Variants in SLC5A5 observed in about 807,000 individuals in gnomAD.
SLC5A5 encodes solute carrier family 5 member 5, also known as sodium/iodide cotransporter.
A neutral mutation model predicts 68.6 loss-of-function variants in SLC5A5; 56 were observed. The observed-to-expected ratio is 0.82, with a 90% confidence interval of 0.66 to 1.02. The LOEUF (loss-of-function observed/expected upper bound fraction) is 1.02, where lower values mean the gene tolerates loss of function less well. Among genes scored for constraint, SLC5A5 ranks in the 50% least tolerant of loss-of-function variants. The probability of loss-of-function intolerance (pLI) is 0.00; values close to 1 mark genes in which losing one functional copy is unlikely to be tolerated. For missense variants in SLC5A5, 807 were observed against 859.8 expected, an observed-to-expected ratio of 0.94 and a Z score of 0.77; for synonymous variants, 398 against 373.0, an observed-to-expected ratio of 1.07 and a Z score of -0.77.
At chr19:17,877,890 G>T (rs1341477717) in intron 6 of SLC5A5, 27 bp downstream of exon 6, 1 of 1,613,800 alleles carries the variant, frequency 6.2e-7, no homozygotes, top group East Asian at 2.2e-5. Context: ...GCAAGGTCGG[G>T]GTTTCTGGGA....
intron 5 of SLC5A5, among the ~76,000 whole-genome samples, 156 bp from the exon 6 acceptor site, chr19:17,877,567 C>G (rs572736210): frequency 6.6e-6 from 1 of 152,280 alleles, no homozygotes; most frequent in South Asian, 2.1e-4. Flanking sequence ...CTTGGCCTCC[C>G]AAAGTGCTGG....
At chr19:17,884,079 GC>G in intron 12 of SLC5A5, 33 bp downstream of exon 12, 1 of 1,502,934 alleles carries the variant, frequency 6.7e-7, no homozygotes, top group Non-Finnish European at 9.0e-7. Flanking sequence ...GGGTACCCGA[GC>G]CCTGGATGGT....
In SLC5A5 at chr19:17,893,914, GA is replaced by G. The variant is rs1298461439; in HGVS notation, c.*39del. 6.5e-6 allele frequency: 10 copies of G among 1,545,886 alleles called. No individual in the cohort carries two copies. ...GCCGCGGGACTGACACCCTGGGATG[GA>G]ACCTCAGGATGGGCCAAACCCAGAC... On this transcript the variant is annotated 3_prime_UTR_variant, in exon 15 of 15. Coordinates refer to ENST00000222248, the MANE Select transcript of SLC5A5 (RefSeq NM_000453.3).
Position 17,875,963 on chromosome 19 carries a change from G to A in SLC5A5, c.555G>A (p.Lys185=). 6.2e-7 allele frequency: 1 copy of A among 1,614,158 alleles called. No homozygotes were observed. The highest frequency in any genetic ancestry group is 8.5e-7 in the Non-Finnish European group (1 of 1,180,028). ...CTFYTAVGGM[K]AVVWTDVFQV... ...GTCCCATGCTGCAGGGCGGCATGAA[G>A]GCTGTGGTCTGGACTGATGTGTTCC... Residue 185 remains lysine (K), a synonymous_variant, in exon 5 of 15, where the codon AAG becomes AAA. Transcript: ENST00000222248.
intron 4 of SLC5A5, 85 bp from the exon 5 acceptor site, chr19:17,875,867 A>G: frequency 1.6e-6 from 2 of 1,259,434 alleles, no homozygotes; most frequent in Non-Finnish European, 2.3e-6. Context: ...AGACTGAGGC[A>G]TAGAAGGGCA....
chr19:17,891,650 C>G (rs2030175705), intron 14 of SLC5A5, among the ~76,000 whole-genome samples: 1 of 152,214 alleles, frequency 6.6e-6, no homozygotes, highest in Non-Finnish European at 1.5e-5. Flanking sequence ...TGTAAAGTCT[C>G]TTCTTAAAAT....
At position 17,872,395 on chromosome 19, in the gene SLC5A5, G is replaced by A. The variant is rs1266991317; in HGVS notation, c.76G>A (p.Val26Met). The A allele has an allele frequency of 6.2e-7, 1 of 1,604,710 alleles. No homozygotes were observed. The highest frequency in any genetic ancestry group is 1.1e-5 in the South Asian group (1 of 89,968). ...CGGGGTCTTTGCCCTCATGCTCCTG[G>A]TGTCCACTGGCATCGGGCTGTGGGT... ...DYGVFALMLL[V>M]STGIGLWVGL... The change falls in exon 1 of 15, where the codon GTG becomes ATG. Residue 26 changes from valine to methionine, a missense_variant. By Grantham distance (21) the Val-to-Met change is conservative (BLOSUM62 1). Transcript: ENST00000222248.
rs1433973220 is a variant in SLC5A5, at chr19:17,872,341, G to T, written c.22G>T (p.Glu8Ter). Residue 8 changes from glutamate to a stop codon, truncating the protein, a stop_gained, in exon 1 of 15, where the codon GAA (glutamate) becomes TAA (stop). Transcript: ENST00000222248. LOFTEE classifies it high-confidence loss of function. Reference sequence around the variant, plus strand: ...CCTCATGGAGGCCGTGGAGACCGGGGAACGGCCCACCTTCGGAGCCTGGGA... The same window carrying T: ...CCTCATGGAGGCCGTGGAGACCGGGTAACGGCCCACCTTCGGAGCCTGGGA... MEAVETG[E>*]RPTFGAWDYG... 1.3e-5 allele frequency: 21 copies of T among 1,583,312 alleles called. No homozygotes were observed. The highest frequency in any genetic ancestry group is 1.8e-5 in the Non-Finnish European group (21 of 1,165,738).
chr19:17,874,780 G>A, intron 4 of SLC5A5, 49 bp downstream of exon 4: 1 of 1,569,362 alleles, frequency 6.4e-7, no homozygotes, highest in Non-Finnish European at 8.8e-7. Context: ...GGCCCACTGT[G>A]TCTCTTGTGG....
At position 17,874,151 on chromosome 19, in the gene SLC5A5, G is replaced by T; in HGVS notation, c.371G>T (p.Arg124Leu). The T allele has an allele frequency of 1.2e-6, 2 of 1,612,316 alleles. No homozygotes were observed. Among genetic ancestry groups the T allele is most frequent in the Non-Finnish European group, 1.7e-6 (2 of 1,178,814 alleles). The part of the protein sequence containing the change: ...LTSTYEYLEM[R>L]FSRAVRLCGT... ...CCCTCCTTGCAGTACCTGGAGATGC[G>T]CTTCAGCCGCGCAGTGCGGCTCTGC... Residue 124 changes from arginine (R) to leucine (L), a missense_variant, in exon 2 of 15, where the codon CGC becomes CTC. By Grantham distance (102) the Arg-to-Leu change is moderately radical. Coordinates refer to ENST00000222248, the MANE Select transcript of SLC5A5 (RefSeq NM_000453.3).
Position 17,876,426 on chromosome 19 carries a change from C to CAAAAAA in SLC5A5, c.698+332_698+337dup, listed in dbSNP as rs60457185. Among the ~76,000 whole-genome samples the CAAAAAA allele has an allele frequency of 2.6e-3, 226 of 87,388 alleles. 1 individual carries two copies. The highest frequency in any genetic ancestry group is 9.3e-3 in the African/African-American group (220 of 23,778). The allele number at this position is 87,388 out of a possible 152,430, so 57.3% of individuals were successfully genotyped here. ...TGGATGACAGAGCTAGACCCTGTCTCAAAAAAAAAAAAAAAAAGAGGCTGG... is the reference window on the plus strand; with the variant it reads ...TGGATGACAGAGCTAGACCCTGTCTCAAAAAAAAAAAAAAAAAAAAAAAGAGGCTGG... On this transcript the variant is annotated intron_variant, in intron 5 of 14. Transcript: ENST00000222248.
In SLC5A5 at chr19:17,872,328, C is replaced by T. The variant is rs1207172434; in HGVS notation, c.9C>T (p.Ala3=). 1.3e-6 allele frequency: 2 copies of T among 1,579,858 alleles called. No individual in the cohort carries two copies. Among genetic ancestry groups the T allele is most frequent in the Admixed American group, 3.6e-5 (2 of 54,808 alleles). Residue 3 remains alanine (A), a synonymous_variant, in exon 1 of 15, where the codon GCC becomes GCT. Coordinates refer to ENST00000222248, the MANE Select transcript of SLC5A5 (RefSeq NM_000453.3). ME[A]VETGERPTFG... is the part of the protein sequence containing the mutation. ...CCTCCGCACCCGCCCTCATGGAGGC[C>T]GTGGAGACCGGGGAACGGCCCACCT...
rs966429964 is a variant in SLC5A5, at chr19:17,893,878, G to A, written c.*1G>A. The A allele has an allele frequency of 1.3e-5, 21 of 1,560,282 alleles. No homozygotes were observed. The highest frequency in any genetic ancestry group is 1.7e-5 in the Non-Finnish European group (20 of 1,150,664). ...AGACCAGCAGGAGACAAACCTCTGA[G>A]GACAGGGCCAGCCGCGGGACTGACA... On this transcript the variant is annotated 3_prime_UTR_variant, in exon 15 of 15. Coordinates refer to ENST00000222248, the MANE Select transcript of SLC5A5 (RefSeq NM_000453.3).
At chr19:17,882,368 T>A in intron 10 of SLC5A5, 149 bp downstream of exon 10, 1 of 704,506 alleles carries the variant, frequency 1.4e-6, no homozygotes, top group Non-Finnish European at 2.5e-6. Flanking sequence ...GGGGTCTCAC[T>A]GTGTTGTCCC....
chr19:17,872,504 C>A lies in SLC5A5; in HGVS notation c.185C>A (p.Ser62Ter). Residue 62 changes from serine (S) to a stop codon, truncating the protein, a stop_gained, in exon 1 of 15, where the codon TCG becomes TAG. Coordinates refer to ENST00000222248, the MANE Select transcript of SLC5A5 (RefSeq NM_000453.3). LOFTEE classifies it high-confidence loss of function. ...RRLAALPVGL[S>*]LSASFMSAVQ... ...CTGGCGGCCCTGCCCGTGGGCCTGT[C>A]GCTGTCTGCCAGCTTCATGTCGGCC... The A allele has an allele frequency of 1.2e-6, 2 of 1,612,554 alleles. No homozygotes were observed. Among genetic ancestry groups the A allele is most frequent in the Non-Finnish European group, 8.5e-7 (1 of 1,179,836 alleles).
intron 13 of SLC5A5, among the ~76,000 whole-genome samples, chr19:17,890,161 C>T (rs2030109237): frequency 6.6e-6 from 1 of 152,130 alleles, no homozygotes; most frequent in South Asian, 2.1e-4. Flanking sequence ...ACCTCTGACT[C>T]CCGGGTTCAA....
intron 14 of SLC5A5, among the ~76,000 whole-genome samples, chr19:17,891,850 A>C (rs2030183942): frequency 6.6e-6 from 1 of 152,130 alleles, no homozygotes; most frequent in Non-Finnish European, 1.5e-5. Context: ...CCATTCTCTC[A>C]TTTATTGAGC....
intron 1 of SLC5A5, among the ~76,000 whole-genome samples, chr19:17,873,490 G>GC (rs1251792475): frequency 2.7e-5 from 4 of 150,158 alleles, no homozygotes; most frequent in Non-Finnish European, 5.9e-5. Flanking sequence ...GGGCGCAGTG[G>GC]CTCACGCCTG....
intron 10 of SLC5A5, among the ~76,000 whole-genome samples, chr19:17,882,435 A>C (rs1350187886): frequency 6.6e-6 from 1 of 151,266 alleles, no homozygotes; most frequent in Non-Finnish European, 1.5e-5. Flanking sequence ...TCCTGGGTTC[A>C]AGCCATCCTT....
Sources: allele counts gnomAD v4.1 joint callset (sites outside exome capture counted in the v4.1 genomes callset), GRCh38; gene constraint gnomAD v4.1.1; transcripts MANE v1.5; gene names NCBI Gene and HGNC (gene_info 2026-07-23, HGNC 2026-07-21).